ARSF: variants seen among roughly 807,000 people sequenced by gnomAD.
The protein encoded by ARSF is arylsulfatase F.
A neutral mutation model predicts 35.4 loss-of-function variants in ARSF; 33 were observed. The observed-to-expected ratio is 0.93, with a 90% confidence interval of 0.71 to 1.25. The LOEUF (loss-of-function observed/expected upper bound fraction) is 1.25, where lower values mean the gene tolerates loss of function less well. Among genes scored for constraint, ARSF ranks in the 50% most tolerant of loss-of-function variants. The pLI, the probability that ARSF is intolerant of heterozygous loss-of-function variation, is 0.00. For missense variants in ARSF, 501 were observed against 480.2 expected (o/e 1.04, Z -0.40); for synonymous variants, 222 against 193.1 (o/e 1.15, Z -1.24).
chrX:3,082,402 A>C lies in ARSF; in HGVS notation c.406+1389A>C, dbSNP rs189416130. Among the ~76,000 whole-genome samples, 5 of 110,902 alleles carry C rather than the reference A, an allele frequency of 4.5e-5. No individual in the cohort carries two copies. In the East Asian group the frequency reaches 1.4e-3, roughly 32 times the overall value. On this transcript the variant is annotated intron_variant, in intron 5 of 10. Coordinates refer to ENST00000381127, the MANE Select transcript of ARSF (RefSeq NM_001201539.2). ...CATCCATCTACCTGTCTATCTATCT[A>C]CCTGTTTGTCTATTGATCAATCCAT...
chrX:3,071,220 G>A (rs1403477086), intron 2 of ARSF, among the ~76,000 whole-genome samples: 1 of 111,215 alleles, frequency 9.0e-6, no homozygotes, highest in African/African-American at 3.3e-5. Context: ...TTGATTGATG[G>A]GTATTTGGGC....
chrX:3,059,726 G>T (rs2090033982), intron 1 of ARSF, among the ~76,000 whole-genome samples: 1 of 112,646 alleles, frequency 8.9e-6, no homozygotes, highest in Non-Finnish European at 1.9e-5. Context: ...CAGCAGCCTG[G>T]CTGGGGGGGT....
At chrX:3,085,056 T>C (rs1007453360) in intron 6 of ARSF, among the ~76,000 whole-genome samples, 2 of 110,144 alleles carry the variant, frequency 1.8e-5, no homozygotes, top group African/African-American at 6.6e-5. Context: ...AAATATGAAG[T>C]GTATTGAAGA....
chrX:3,051,468 A>G (rs894692077), intron 1 of ARSF, among the ~76,000 whole-genome samples: 2 of 111,973 alleles, frequency 1.8e-5, no homozygotes, highest in African/African-American at 6.5e-5. Flanking sequence ...AATGGAAATA[A>G]TGGTGTCCAA....
At chrX:3,072,795 T>C (rs1296752461) in intron 3 of ARSF, among the ~76,000 whole-genome samples, 1 of 106,563 alleles carries the variant, frequency 9.4e-6, no homozygotes, top group African/African-American at 3.4e-5. Flanking sequence ...ATGTGATATA[T>C]TCATATATGA....
intron 2 of ARSF, among the ~76,000 whole-genome samples, chrX:3,070,911 C>A (rs1484694045): frequency 9.4e-6 from 1 of 106,930 alleles, no homozygotes; most frequent in South Asian, 4.1e-4. Context: ...TTATTTTGTT[C>A]CTTTTTATGG....
chrX:3,093,970 T>A (rs2090321333), intron 7 of ARSF, among the ~76,000 whole-genome samples: 1 of 111,631 alleles, frequency 9.0e-6, no homozygotes, highest in Non-Finnish European at 1.9e-5. Flanking sequence ...TTGAAAGTAA[T>A]GATAGATTGA....
chrX:3,080,415 A>G (rs1337862620), intron 4 of ARSF, among the ~76,000 whole-genome samples: 3 of 108,949 alleles, frequency 2.8e-5, no homozygotes, highest in Non-Finnish European at 5.7e-5. Flanking sequence ...TGGAGGTTGC[A>G]GTGAGCTGAG....
chrX:3,053,233 C>T (rs1200304528), intron 1 of ARSF, among the ~76,000 whole-genome samples: 2 of 111,004 alleles, frequency 1.8e-5, no homozygotes, highest in South Asian at 3.8e-4. Flanking sequence ...ACATGTCCTC[C>T]GATAATTTGA....
At chrX:3,100,866 A>G (rs1242925088) in intron 7 of ARSF, among the ~76,000 whole-genome samples, 1 of 111,614 alleles carries the variant, frequency 9.0e-6, no homozygotes, top group Non-Finnish European at 1.9e-5. Flanking sequence ...AAGTGCTGGG[A>G]TTACAGGCAT....
upstream of ARSF, among the ~76,000 whole-genome samples, chrX:3,040,268 G>A (rs1310164435): frequency 9.0e-6 from 1 of 111,192 alleles, no homozygotes; most frequent in African/African-American, 3.3e-5. Flanking sequence ...GCAGTTGCCC[G>A]AACCCGGAGC....
intron 4 of ARSF, among the ~76,000 whole-genome samples, chrX:3,078,876 G>A (rs752886288): frequency 9.0e-6 from 1 of 110,808 alleles, no homozygotes; most frequent in East Asian, 2.8e-4. Context: ...CACCTCTATC[G>A]AATTCTAGAA....
chrX:3,092,176 GATA>G (rs2090297408), intron 7 of ARSF, among the ~76,000 whole-genome samples: 2 of 41,117 alleles, frequency 4.9e-5, no homozygotes, highest in Non-Finnish European at 1.0e-4. Context: ...ATGATAGATA[GATA>G]CATACATACA....
chrX:3,083,519 TATCTATCTATCCATCCATCCATCC>T (rs1357034686), intron 5 of ARSF, among the ~76,000 whole-genome samples: 2 of 78,427 alleles, frequency 2.6e-5, no homozygotes, highest in Non-Finnish European at 5.0e-5. Flanking sequence ...TCTATCTATC[TATCTATCTATCCATCCATCCATCC>T]ATCCAACCAC....
At position 3,048,900 on chromosome X, in the gene ARSF, C is replaced by T. The variant is rs184544971; in HGVS notation, c.-29+7237C>T. 3.9e-4 allele frequency among the ~76,000 whole-genome samples: 44 copies of T among 112,661 alleles called. No homozygotes were observed. The East Asian group carries it at 0.012, about 32-fold the overall frequency. ...GTTGTGGTTCAAGGGTCCCCTTCTA[C>T]AAGAGCACCCCAGGTGACATTACTC... On this transcript the variant is annotated intron_variant, in intron 1 of 10. Coordinates refer to ENST00000381127, the MANE Select transcript of ARSF (RefSeq NM_001201539.2).
chrX:3,075,164 A>G (rs1016719995), intron 3 of ARSF, among the ~76,000 whole-genome samples: 5 of 111,681 alleles, frequency 4.5e-5, no homozygotes, highest in African/African-American at 1.6e-4. Flanking sequence ...AGCCTCGATG[A>G]ATCAGACCCC....
At chrX:3,080,744 C>T (rs1446073206) in intron 4 of ARSF, 147 bp from the exon 5 acceptor site, 3 of 640,228 alleles carry the variant, frequency 4.7e-6, no homozygotes, top group African/African-American at 4.6e-5. Context: ...TGAGGCTCCA[C>T]CCTCCTGACC....
At chrX:3,061,477 T>C (rs2090041429) in intron 1 of ARSF, among the ~76,000 whole-genome samples, 1 of 111,646 alleles carries the variant, frequency 9.0e-6, no homozygotes. Flanking sequence ...GTAAATGGGT[T>C]AACTGCCCTG....
intron 1 of ARSF, among the ~76,000 whole-genome samples, chrX:3,061,992 A>G (rs1300160026): frequency 3.6e-5 from 4 of 111,884 alleles, no homozygotes; most frequent in Non-Finnish European, 7.5e-5. Context: ...AAATCAACAG[A>G]ATATACATTC....
Sources: allele counts gnomAD v4.1 joint callset (sites outside exome capture counted in the v4.1 genomes callset), GRCh38; gene constraint gnomAD v4.1.1; transcripts MANE v1.5; gene names NCBI Gene and HGNC (gene_info 2026-07-23, HGNC 2026-07-21).